CTSS: variants seen among roughly 807,000 people sequenced by gnomAD.
The protein encoded by CTSS is cathepsin S.
CTSS carries 15 observed loss-of-function variants against 39.9 expected under a neutral mutation model. That is an observed-to-expected ratio of 0.38 (90% CI 0.25 to 0.58). The LOEUF (loss-of-function observed/expected upper bound fraction) is 0.58, where lower values mean the gene tolerates loss of function less well. CTSS is among the 20% of genes least tolerant of loss of function. The pLI is 0.70. For synonymous variants in CTSS, 126 were observed against 138.2 expected (o/e 0.91, Z 0.62); for missense variants, 250 against 398.2 (o/e 0.63, Z 3.17).
intron 4 of CTSS, among the ~76,000 whole-genome samples, chr1:150,752,949 G>T (rs1653037905): frequency 6.6e-6 from 1 of 152,050 alleles, no homozygotes; most frequent in South Asian, 2.1e-4. Context: ...AACCTCCCAG[G>T]CTCAAGCGAT....
intron 2 of CTSS, among the ~76,000 whole-genome samples, chr1:150,761,506 C>A (rs1218536739): frequency 6.6e-6 from 1 of 151,596 alleles, no homozygotes; most frequent in Non-Finnish European, 1.5e-5. Flanking sequence ...CCGAAGCAGG[C>A]AGATCACCTG....
In CTSS at chr1:150,732,648, A is replaced by T. The variant is rs1652547781; in HGVS notation, c.*398T>A. 6.5e-6 allele frequency: 1 copy of T among 153,422 alleles called. No individual in the cohort carries two copies. Among genetic ancestry groups the T allele is most frequent in the Admixed American group, 6.5e-5 (1 of 15,378 alleles). The allele number at this position is 153,422 out of a possible 1,614,324, so 9.5% of individuals were successfully genotyped here. On this transcript the variant is annotated 3_prime_UTR_variant, in exon 8 of 8. Coordinates refer to ENST00000368985, the MANE Select transcript of CTSS (RefSeq NM_004079.5). ...TTTGAAACAGAGTCTCCACTCTGTC[A>T]TCCAGGCTGGAGTACAGTGGTGTGA...
At chr1:150,739,866 AAAATT>A (rs1255845049) in intron 7 of CTSS, among the ~76,000 whole-genome samples, 1 of 149,954 alleles carries the variant, frequency 6.7e-6, no homozygotes, top group East Asian at 2.0e-4. Flanking sequence ...TGATGAAACT[AAAATT>A]AAAGAAGTTA....
In CTSS at chr1:150,730,908, A is replaced by G. The variant is rs940826598; in HGVS notation, c.*2138T>C. ...TAATATATAACAAACTTATCTTTTA[A>G]CATTTTAATAACTGTATTTCGATAT... On this transcript the variant is annotated 3_prime_UTR_variant, in exon 8 of 8. Coordinates refer to ENST00000368985, the MANE Select transcript of CTSS (RefSeq NM_004079.5). 6.6e-6 allele frequency: 1 copy of G among 151,948 alleles called. No individual in the cohort carries two copies. The highest frequency in any genetic ancestry group is 1.5e-5 in the Non-Finnish European group (1 of 68,030). The allele number at this position is 151,948 out of a possible 1,614,324, so 9.4% of individuals were successfully genotyped here.
intron 2 of CTSS, among the ~76,000 whole-genome samples, chr1:150,763,606 G>C (rs1389564972): frequency 6.6e-6 from 1 of 151,946 alleles, no homozygotes; most frequent in African/African-American, 2.4e-5. Context: ...ATAAAACTTA[G>C]AGTGTATGAC....
chr1:150,761,707 G>T (rs1653268426), intron 2 of CTSS, among the ~76,000 whole-genome samples: 1 of 151,410 alleles, frequency 6.6e-6, no homozygotes, highest in Non-Finnish European at 1.5e-5. Context: ...CCCCAGCCTG[G>T]GCAACAAGAG....
At chr1:150,743,605 ATATATTATATATGTATATTATG>A (rs1557809804) in intron 7 of CTSS, among the ~76,000 whole-genome samples, 2 of 108,724 alleles carry the variant, frequency 1.8e-5, no homozygotes, top group Admixed American at 1.2e-4. Context: ...TGTATACATA[ATATATTATATATGTATATTATG>A]TATACATAAT....
At chr1:150,758,849 ATTT>A (rs35292598) in intron 2 of CTSS, among the ~76,000 whole-genome samples, 1 of 127,420 alleles carries the variant, frequency 7.8e-6, no homozygotes, top group Admixed American at 8.1e-5. Flanking sequence ...CGCGCCCAGC[ATTT>A]TTTTTTTTTT....
chr1:150,764,555 C>G, intron 2 of CTSS, 83 bp downstream of exon 2: 1 of 1,563,726 alleles, frequency 6.4e-7, no homozygotes, highest in Non-Finnish European at 8.8e-7. Context: ...TTACTGAAAA[C>G]ACTGCCTGTA....
intron 7 of CTSS, among the ~76,000 whole-genome samples, chr1:150,740,787 T>G (rs1179349483): frequency 6.6e-6 from 1 of 151,902 alleles, no homozygotes; most frequent in South Asian, 2.1e-4. Context: ...CTCAACTTCC[T>G]GGGCTCAAGT....
intron 7 of CTSS, among the ~76,000 whole-genome samples, chr1:150,745,718 G>A (rs1652880491): frequency 1.3e-5 from 2 of 152,022 alleles, no homozygotes; most frequent in East Asian, 1.9e-4. Flanking sequence ...CAGGGAGAAT[G>A]TCATGTGAAA....
chr1:150,755,652 A>G (rs778550881), intron 3 of CTSS, among the ~76,000 whole-genome samples: 1 of 152,184 alleles, frequency 6.6e-6, no homozygotes, highest in African/African-American at 2.4e-5. Context: ...AGGCAGGAGA[A>G]TCACTTGAGC....
chr1:150,742,918 T>C lies in CTSS; in HGVS notation c.896+4859A>G, dbSNP rs144530316. ...TGTAAACTTATTGAGTATGAGAGTG[T>C]GTATATGTTGGTAGTAGGGTGATGT... On this transcript the variant is annotated intron_variant, in intron 7 of 7. Transcript: ENST00000368985. 5.2e-3 allele frequency among the ~76,000 whole-genome samples: 792 copies of C among 152,100 alleles called. 12 individuals are homozygous for C. Among genetic ancestry groups the C allele is most frequent in the African/African-American group, 0.018 (748 of 41,494 alleles).
At chr1:150,734,239 C>T (rs1652585787) in intron 7 of CTSS, among the ~76,000 whole-genome samples, 1 of 151,736 alleles carries the variant, frequency 6.6e-6, no homozygotes, top group Non-Finnish European at 1.5e-5. Flanking sequence ...GTTGGTCAGG[C>T]TGGTCTCCAA....
chr1:150,760,989 A>AC (rs1291102145), intron 2 of CTSS, among the ~76,000 whole-genome samples: 1 of 151,242 alleles, frequency 6.6e-6, no homozygotes, highest in East Asian at 1.9e-4. Context: ...GACCAGCCTG[A>AC]CCAACATGGT....
chr1:150,750,227 C>A, intron 5 of CTSS, 56 bp from the exon 6 acceptor site: 2 of 1,384,152 alleles, frequency 1.4e-6, no homozygotes, highest in East Asian at 2.3e-5. Context: ...TATAAATCAC[C>A]TGTATCCTAA....
intron 5 of CTSS, 101 bp downstream of exon 5, chr1:150,751,680 T>C (rs1571101321): frequency 3.0e-6 from 3 of 990,290 alleles, no homozygotes; most frequent in East Asian, 2.4e-5. Context: ...TCACACACAA[T>C]ACTGCTTCTC....
In CTSS at chr1:150,751,822, TG is replaced by T; in HGVS notation, c.585del (p.Asn195LysfsTer44). The T allele has an allele frequency of 6.2e-7, 1 of 1,614,160 alleles. No individual in the cohort carries two copies. Among genetic ancestry groups the T allele is most frequent in the Non-Finnish European group, 8.5e-7 (1 of 1,180,028 alleles). On this transcript the variant is annotated frameshift_variant, in exon 5 of 8. Coordinates refer to ENST00000368985, the MANE Select transcript of CTSS (RefSeq NM_004079.5). LOFTEE classifies it high-confidence loss of function. ...TAGGAAGCGTCTGAGTCGATGCCCTTGTTATCAATGATGTACTGGAAAGCCG... is the reference window on the plus strand; with the variant it reads ...TAGGAAGCGTCTGAGTCGATGCCCTTTTATCAATGATGTACTGGAAAGCCG... Reference protein sequence around the residue: ...MTTAFQYIIDNKGIDSDASYP... With the variant: ...MTTAFQYIIDXKGIDSDASYP...
At chr1:150,755,348 G>A (rs1653100272) in intron 3 of CTSS, among the ~76,000 whole-genome samples, 198 bp from the exon 4 acceptor site, 1 of 152,172 alleles carries the variant, frequency 6.6e-6, no homozygotes, top group African/African-American at 2.4e-5. Flanking sequence ...GCATGGTACT[G>A]TACTGAAGGT....
Sources: gnomAD v4.1 joint callset for allele counts (sites outside exome capture counted in the v4.1 genomes callset) on GRCh38, gnomAD v4.1.1 for gene constraint, MANE v1.5 for transcripts, NCBI Gene and HGNC (gene_info 2026-07-23, HGNC 2026-07-21) for gene names.